Variants in FOCAD observed in about 807,000 individuals in gnomAD.
The protein encoded by FOCAD is focadhesin, also known as KIAA1797.
FOCAD carries 198 observed loss-of-function variants against 225.6 expected under a neutral mutation model. The ratio of observed to expected loss-of-function variants is 0.88; its 90% CI spans 0.78 to 0.99. The LOEUF is 0.99. Among genes scored for constraint, FOCAD ranks in the 50% least tolerant of loss-of-function variants. The pLI is 0.00. For synonymous variants in FOCAD, 897 were observed against 755.0 expected, an observed-to-expected ratio of 1.19 and a Z score of -3.08; for missense variants, 2,713 against 2,123.6, an observed-to-expected ratio of 1.28 and a Z score of -5.46.
chr9:20,942,165 G>A (rs977778632), intron 28 of FOCAD, among the ~76,000 whole-genome samples: 8 of 152,150 alleles, frequency 5.3e-5, no homozygotes, highest in African/African-American at 1.2e-4. Flanking sequence ...CTTAACTGCC[G>A]CTGTAGCAAT....
At position 20,778,688 on chromosome 9, in the gene FOCAD, C is replaced by T; in HGVS notation, c.914C>T (p.Pro305Leu). The T allele has an allele frequency of 6.2e-7, 1 of 1,605,066 alleles. No individual in the cohort carries two copies. Among genetic ancestry groups the T allele is most frequent in the Non-Finnish European group, 8.5e-7 (1 of 1,172,562 alleles). ...HSVELLKEDFPVELVIIGIAL... is the reference protein window; with the variant it reads ...HSVELLKEDFLVELVIIGIAL... ...CCCCCTCTATTCTTTTAGGATTTTC[C>T]TGTTGAACTGGTCATAATTGGAATA... The change falls in exon 9 of 44, where the codon CCT becomes CTT. Residue 305 changes from proline (P) to leucine (L), a missense_variant. By Grantham distance (98) the Pro-to-Leu change is moderately conservative (BLOSUM62 -3). Coordinates refer to ENST00000338382, the MANE Select transcript of FOCAD (RefSeq NM_001375567.1).
chr9:20,897,577 T>C lies in FOCAD; in HGVS notation c.2626-9573T>C, dbSNP rs991903273. Among the ~76,000 whole-genome samples the C allele has an allele frequency of 7.2e-5, 11 of 151,778 alleles. 1 individual carries two copies. The East Asian group carries it at 1.9e-3, about 27-fold the overall frequency. On this transcript the variant is annotated intron_variant, in intron 21 of 43. Transcript: ENST00000338382. ...AATGATTGCCACACAGTATGCAATA[T>C]ATATTTACAACTATGTCTACTTGCA...
At chr9:20,673,386 C>T (rs1198242317) in intron 2 of FOCAD, among the ~76,000 whole-genome samples, 1 of 152,044 alleles carries the variant, frequency 6.6e-6, no homozygotes, top group Non-Finnish European at 1.5e-5. Context: ...ACATTTCCAT[C>T]GACAATGTGT....
At chr9:20,907,835 C>T (rs905448703) in intron 22 of FOCAD, among the ~76,000 whole-genome samples, 1 of 152,062 alleles carries the variant, frequency 6.6e-6, no homozygotes, top group African/African-American at 2.4e-5. Flanking sequence ...GCACTATGTG[C>T]CTTACTTCTC....
intron 11 of FOCAD, among the ~76,000 whole-genome samples, chr9:20,796,597 G>C (rs1821137301): frequency 6.6e-6 from 1 of 152,074 alleles, no homozygotes; most frequent in African/African-American, 2.4e-5. Context: ...GTGTCTTTTG[G>C]CTGCATAAAT....
chr9:20,677,668 A>G (rs1204413610), intron 2 of FOCAD, among the ~76,000 whole-genome samples: 2 of 149,106 alleles, frequency 1.3e-5, no homozygotes, highest in African/African-American at 5.2e-5. Flanking sequence ...ATAACCTCAA[A>G]CCTGTTAGAA....
chr9:20,707,088 TAC>T (rs1824450392), intron 1 of FOCAD, among the ~76,000 whole-genome samples: 1 of 152,220 alleles, frequency 6.6e-6, no homozygotes, highest in Admixed American at 6.5e-5. Context: ...TTGTTCAGGT[TAC>T]AGTTTTGTTA....
intron 35 of FOCAD, among the ~76,000 whole-genome samples, chr9:20,973,399 T>C (rs1438795736): frequency 7.9e-5 from 12 of 151,388 alleles, no homozygotes; most frequent in East Asian, 5.9e-4. Context: ...TTTTTTTTTT[T>C]CTGCTGACTC....
At chr9:20,773,961 T>TG (rs1818495643) in intron 8 of FOCAD, among the ~76,000 whole-genome samples, 1 of 152,216 alleles carries the variant, frequency 6.6e-6, no homozygotes, top group South Asian at 2.1e-4. Context: ...AGCAGCCCAG[T>TG]GAGCCAGCAT....
intron 7 of FOCAD, among the ~76,000 whole-genome samples, chr9:20,765,957 C>G (rs576381287): frequency 3.3e-5 from 5 of 152,286 alleles, no homozygotes; most frequent in Non-Finnish European, 7.3e-5. Flanking sequence ...TAAATCTTTC[C>G]TCTGCGACTT....
intron 4 of FOCAD, among the ~76,000 whole-genome samples, chr9:20,739,602 T>TA (rs77597569): frequency 3.1e-3 from 428 of 139,966 alleles, no homozygotes; most frequent in East Asian, 0.029. Context: ...AAACTCCATC[T>TA]AAAAAAAAAA....
intron 1 of FOCAD, among the ~76,000 whole-genome samples, chr9:20,697,183 T>G (rs1823445150): frequency 6.6e-6 from 1 of 152,244 alleles, no homozygotes; most frequent in Non-Finnish European, 1.5e-5. Flanking sequence ...CTTCCCACTA[T>G]CTCTACTGCT....
intron 4 of FOCAD, among the ~76,000 whole-genome samples, chr9:20,730,513 C>G (rs1423198512): frequency 6.6e-6 from 1 of 152,052 alleles, no homozygotes; most frequent in East Asian, 1.9e-4. Context: ...GTATTTCAGT[C>G]CTCTTCTCCT....
chr9:20,810,399 A>T (rs1822934451), intron 11 of FOCAD, among the ~76,000 whole-genome samples: 1 of 152,156 alleles, frequency 6.6e-6, no homozygotes, highest in South Asian at 2.1e-4. Flanking sequence ...ACATAGTAGT[A>T]GAAATTGCAC....
chr9:20,701,740 A>G (rs1405204018), intron 1 of FOCAD, among the ~76,000 whole-genome samples: 1 of 152,212 alleles, frequency 6.6e-6, no homozygotes, highest in Non-Finnish European at 1.5e-5. Context: ...GTTTAGATAA[A>G]CAATTTTTAT....
intron 8 of FOCAD, among the ~76,000 whole-genome samples, chr9:20,775,705 A>G (rs1818687306): frequency 6.6e-6 from 1 of 152,124 alleles, no homozygotes; most frequent in South Asian, 2.1e-4. Flanking sequence ...GACCCAGCAT[A>G]TGTCCTTAGT....
At chr9:20,753,078 C>A (rs1210268270) in intron 5 of FOCAD, among the ~76,000 whole-genome samples, 1 of 152,136 alleles carries the variant, frequency 6.6e-6, no homozygotes, top group Non-Finnish European at 1.5e-5. Flanking sequence ...ATGGGGTTTT[C>A]TAGATATACA....
At chr9:20,785,179 A>G (rs1342958381) in intron 10 of FOCAD, among the ~76,000 whole-genome samples, 1 of 152,214 alleles carries the variant, frequency 6.6e-6, no homozygotes, top group African/African-American at 2.4e-5. Context: ...AGGCATAAAG[A>G]AGGTAAATAA....
At chr9:20,850,560 G>T (rs1191494934) in intron 15 of FOCAD, among the ~76,000 whole-genome samples, 1 of 151,586 alleles carries the variant, frequency 6.6e-6, no homozygotes, top group African/African-American at 2.4e-5. Flanking sequence ...TAAATCTTTT[G>T]CAGTCTTTAT....
Sources: gnomAD v4.1 joint callset for allele counts (sites outside exome capture counted in the v4.1 genomes callset) on GRCh38, gnomAD v4.1.1 for gene constraint, MANE v1.5 for transcripts, NCBI Gene and HGNC (gene_info 2026-07-23, HGNC 2026-07-21) for gene names.